The following SULF2 variants were observed in gnomAD, a reference collection of about 807,000 sequenced individuals.
SULF2 encodes sulfatase 2.
SULF2 carries 52 observed loss-of-function variants against 107.7 expected under a neutral mutation model. The observed-to-expected ratio is 0.48, with a 90% CI of 0.39 to 0.61. The LOEUF is 0.61. SULF2 is among the 20% of genes least tolerant of loss of function. SULF2 has a pLI of 0.00. For synonymous variants in SULF2, 460 were observed against 464.3 expected, an observed-to-expected ratio of 0.99 and a Z score of 0.12; for missense variants, 993 against 1,177.3, an observed-to-expected ratio of 0.84 and a Z score of 2.29.
At chr20:47,693,120 AATTT>A (rs2088254094) in intron 4 of SULF2, among the ~76,000 whole-genome samples, 1 of 152,232 alleles carries the variant, frequency 6.6e-6, no homozygotes, top group Non-Finnish European at 1.5e-5. Context: ...GGCTCTACAG[AATTT>A]ATTACATAAA....
rs2086936513 is a variant in SULF2, at chr20:47,657,586, AC to A, written c.*775del. 1 of 152,188 alleles carries A rather than the reference AC, an allele frequency of 6.6e-6. No homozygotes were observed. The highest frequency in any genetic ancestry group is 2.4e-5 in the African/African-American group (1 of 41,448). 9.4% of individuals were successfully genotyped at this position (152,188 alleles called of 1,614,324 possible). Reference sequence around the variant, plus strand: ...TTCTTTTCAGTACCTTAAAAAAAAAACATCAGTTCTGGGACATAACAAAGAA... The same window carrying A: ...TTCTTTTCAGTACCTTAAAAAAAAAAATCAGTTCTGGGACATAACAAAGAA... On this transcript the variant is annotated 3_prime_UTR_variant, in exon 21 of 21. Transcript: ENST00000688720.
At chr20:47,782,143 A>G (rs766869114) in intron 1 of SULF2, among the ~76,000 whole-genome samples, 4 of 152,120 alleles carry the variant, frequency 2.6e-5, no homozygotes, top group African/African-American at 4.8e-5. Flanking sequence ...TCCATTTGCA[A>G]CTTGCACACA....
In SULF2 at chr20:47,736,945, G is replaced by C; in HGVS notation, c.176-3C>G. On this transcript the variant is annotated splice_region_variant and splice_polypyrimidine_tract_variant and intron_variant, in intron 2 of 20. Coordinates refer to ENST00000688720, the MANE Select transcript of SULF2 (RefSeq NM_001387048.1). ...CTTGTTCATCACCTGCATGGAACCT[G>C]CAAGTCAAGGGTGGAAGTAAGGCGC... is the stretch of plus-strand genomic sequence containing the variant. 1 of 1,614,138 alleles carries C rather than the reference G, an allele frequency of 6.2e-7. No individual in the cohort carries two copies. The highest frequency in any genetic ancestry group is 8.5e-7 in the Non-Finnish European group (1 of 1,179,984).
rs1426124763 is a variant in SULF2 at position 47,657,946 on chromosome 20, A to G, written c.*416T>C. ...TTAGTTCCTTCTTTGTGACAAACCA[A>G]AAGAATAAGAGGATTTAGAACAGGA... On this transcript the variant is annotated 3_prime_UTR_variant, in exon 21 of 21. Coordinates refer to ENST00000688720, the MANE Select transcript of SULF2 (RefSeq NM_001387048.1). 5.0e-6 allele frequency: 1 copy of G among 201,716 alleles called. No homozygotes were observed. Among genetic ancestry groups the G allele is most frequent in the Non-Finnish European group, 1.0e-5 (1 of 99,176 alleles). The allele number at this position is 201,716 out of a possible 1,614,324, so 12.5% of individuals were successfully genotyped here. A position where few individuals can be genotyped will look rare whatever the true frequency, so the allele number is the denominator to read the frequency against.
chr20:47,705,832 G>T (rs550547998), intron 3 of SULF2, among the ~76,000 whole-genome samples: 2 of 147,050 alleles, frequency 1.4e-5, no homozygotes, highest in African/African-American at 5.0e-5. Flanking sequence ...AGAGGGTCTC[G>T]CTGTTTTCCA....
At chr20:47,676,647 G>A (rs147858123) in intron 9 of SULF2, 24 bp from the exon 10 acceptor site, 69 of 1,547,708 alleles carry the variant, frequency 4.5e-5, no homozygotes, top group Middle Eastern at 2.3e-4. Flanking sequence ...AGCAGGAGCC[G>A]CGGGGCCGGC....
In SULF2 at chr20:47,678,973, G is replaced by A. The variant is rs1248938596; in HGVS notation, c.1065-169C>T. ...CTCAGCAGCTCCCCTCTGCGGCCCA[G>A]ATTCAGCTGAACCCCCACTCTGTGC... On this transcript the variant is annotated intron_variant, in intron 7 of 20. Coordinates refer to ENST00000688720, the MANE Select transcript of SULF2 (RefSeq NM_001387048.1). The surrounding 1 kb of genome is among the most constrained non-coding windows in gnomAD (Gnocchi z 4.5). Among the ~76,000 whole-genome samples, 1 of 151,838 alleles carries A rather than the reference G, an allele frequency of 6.6e-6. No homozygotes were observed. The highest frequency in any genetic ancestry group is 2.4e-5 in the African/African-American group (1 of 41,316).
intron 1 of SULF2, among the ~76,000 whole-genome samples, chr20:47,758,918 G>A (rs1019129360): frequency 1.2e-4 from 18 of 152,166 alleles, no homozygotes; most frequent in African/African-American, 4.3e-4. Context: ...ATGACTCAGA[G>A]GCTCAGCAAG....
chr20:47,676,728 T>G, intron 9 of SULF2, 105 bp from the exon 10 acceptor site: 1 of 1,428,038 alleles, frequency 7.0e-7, no homozygotes, highest in Non-Finnish European at 9.4e-7. Flanking sequence ...CTCCGGCTTT[T>G]CCTCACAGTG....
chr20:47,707,467 C>T (rs1009327461), intron 3 of SULF2, among the ~76,000 whole-genome samples: 3 of 152,156 alleles, frequency 2.0e-5, no homozygotes, highest in African/African-American at 7.2e-5. Context: ...GAGGTTGCCT[C>T]GAGAGACAAT....
chr20:47,781,066 CT>C (rs1430650895), intron 1 of SULF2, among the ~76,000 whole-genome samples: 1 of 152,238 alleles, frequency 6.6e-6, no homozygotes, highest in East Asian at 1.9e-4. Context: ...CCAGATGATT[CT>C]CATGGTGGGA....
At position 47,761,420 on chromosome 20, in the gene SULF2, T is replaced by C. The variant is rs988054492; in HGVS notation, c.-100-3957A>G. Among the ~76,000 whole-genome samples, 60 of 152,230 alleles carry C rather than the reference T, an allele frequency of 3.9e-4. 1 individual carries two copies. The highest frequency in any genetic ancestry group is 1.2e-4 in the Non-Finnish European group (8 of 68,034). ...CCCTTCAGTGATTATTTGCTTAACGTGCTTCTTTAAATGGCCTCATTTTAA... is the reference window on the plus strand; with the variant it reads ...CCCTTCAGTGATTATTTGCTTAACGCGCTTCTTTAAATGGCCTCATTTTAA... On this transcript the variant is annotated intron_variant, in intron 1 of 20. Transcript: ENST00000688720.
chr20:47,754,133 C>G (rs890244282), intron 2 of SULF2, among the ~76,000 whole-genome samples: 3 of 152,114 alleles, frequency 2.0e-5, no homozygotes, highest in South Asian at 4.1e-4. Context: ...CCCGAACCCC[C>G]CAACCTTGCA....
At chr20:47,707,066 T>C (rs534905025) in intron 3 of SULF2, among the ~76,000 whole-genome samples, 6 of 152,158 alleles carry the variant, frequency 3.9e-5, no homozygotes, top group Admixed American at 6.5e-5. Context: ...CTCAGCTCAC[T>C]GCAACCTCTG....
At chr20:47,750,019 G>A (rs148703290) in intron 2 of SULF2, among the ~76,000 whole-genome samples, 3 of 152,318 alleles carry the variant, frequency 2.0e-5, no homozygotes, top group African/African-American at 7.2e-5. Context: ...GTCTCGCTCT[G>A]TCGCCAGGCT....
intron 4 of SULF2, among the ~76,000 whole-genome samples, chr20:47,695,819 G>A (rs572180885): frequency 1.1e-4 from 17 of 152,294 alleles, no homozygotes; most frequent in Non-Finnish European, 1.8e-4. Flanking sequence ...CCCCATGTTG[G>A]CCAGGCTGGT....
In SULF2 at chr20:47,707,846, C is replaced by T. The variant is rs186602424; in HGVS notation, c.416-5176G>A. 1.0e-3 allele frequency among the ~76,000 whole-genome samples: 159 copies of T among 152,320 alleles called. 2 individuals carry two copies. Among genetic ancestry groups the T allele is most frequent in the Non-Finnish European group, 2.8e-4 (19 of 68,028 alleles). ...GTTACACCCCTACAGAGCCCCGACA[C>T]TTTCTACTCGTGGCAAACAATACTG... On this transcript the variant is annotated intron_variant, in intron 3 of 20. Transcript: ENST00000688720.
chr20:47,665,786 C>G, intron 13 of SULF2, 71 bp downstream of exon 13: 1 of 1,330,702 alleles, frequency 7.5e-7, no homozygotes, highest in Non-Finnish European at 1.1e-6. Flanking sequence ...CACTGCCCTC[C>G]CACTGTGAAC....
chr20:47,685,988 C>A (rs969694462), intron 5 of SULF2: 2 of 152,212 alleles, frequency 1.3e-5, no homozygotes, highest in Admixed American at 1.3e-4. Context: ...TAGTCCCCTC[C>A]CAAGGCATCA....
Sources: allele counts gnomAD v4.1 joint callset (sites outside exome capture counted in the v4.1 genomes callset), GRCh38; gene constraint gnomAD v4.1.1; non-coding constraint Gnocchi (gnomAD v3.1); transcripts MANE v1.5; gene names NCBI Gene and HGNC (gene_info 2026-07-23, HGNC 2026-07-21).